The following ENTPD1 variants were observed in gnomAD, a reference collection of about 807,000 sequenced individuals.
ENTPD1 encodes ectonucleoside triphosphate diphosphohydrolase 1, also known as ATP diphosphohydrolase.
ENTPD1 carries 33 observed loss-of-function variants against 57.0 expected under a neutral mutation model. That is an observed-to-expected ratio of 0.58 (90% confidence interval 0.44 to 0.77). The LOEUF is 0.77. Ranked by LOEUF, ENTPD1 falls within the 30% of genes least tolerant of loss-of-function variation. The pLI is 0.00. For missense variants in ENTPD1, 501 were observed against 603.4 expected (o/e 0.83, Z 1.78); for synonymous variants, 202 against 218.8 (o/e 0.92, Z 0.68).
intron 1 of ENTPD1, among the ~76,000 whole-genome samples, chr10:95,738,245 T>C (rs190392976): frequency 6.6e-6 from 1 of 152,234 alleles, no homozygotes; most frequent in African/African-American, 2.4e-5. Flanking sequence ...CATTAGCCCC[T>C]GGAATCTCTG....
chr10:95,792,604 G>A (rs994772583), intron 1 of ENTPD1, among the ~76,000 whole-genome samples: 1 of 152,178 alleles, frequency 6.6e-6, no homozygotes, highest in Non-Finnish European at 1.5e-5. Flanking sequence ...ACTGAAACTG[G>A]CCTGTTGGGA....
the ENTPD1 span, among the ~76,000 whole-genome samples, chr10:95,703,856 T>C: frequency 6.7e-6 from 1 of 148,696 alleles, no homozygotes; most frequent in Admixed American, 6.8e-5. Flanking sequence ...TTTGCGAGGC[T>C]GAGGTGGGTG....
intron 1 of ENTPD1, among the ~76,000 whole-genome samples, chr10:95,783,399 T>G (rs2098165472): frequency 6.6e-6 from 1 of 152,154 alleles, no homozygotes; most frequent in Non-Finnish European, 1.5e-5. Context: ...CTAAGGGTCC[T>G]TGGCTGGCAC....
chr10:95,715,572 G>A (rs2097970661), intron 1 of ENTPD1, among the ~76,000 whole-genome samples: 1 of 151,480 alleles, frequency 6.6e-6, no homozygotes, highest in Non-Finnish European at 1.5e-5. Context: ...GTTTGGATTT[G>A]TCTATTTTGC....
chr10:95,815,393 G>C (rs183368070), intron 1 of ENTPD1, among the ~76,000 whole-genome samples: 1 of 152,300 alleles, frequency 6.6e-6, no homozygotes, highest in East Asian at 1.9e-4. Flanking sequence ...TTAACTGTAA[G>C]CTTCTGACTG....
intron 1 of ENTPD1, among the ~76,000 whole-genome samples, chr10:95,808,976 C>T (rs529465840): frequency 1.2e-4 from 19 of 152,188 alleles, no homozygotes; most frequent in Admixed American, 3.9e-4. Context: ...ACATCTTGCA[C>T]CACCCTTAAT....
At position 95,847,626 on chromosome 10, in the gene ENTPD1, C is replaced by A. The variant is rs759678269; in HGVS notation, c.994C>A (p.Leu332Ile). The change falls in exon 7 of 10, where the codon CTC becomes ATC. Residue 332 changes from leucine (L) to isoleucine (I), a missense_variant. Transcript: ENST00000371205. ...YQQCHQSILE[L>I]FNTSYCPYSQ... The stretch of plus-strand genomic sequence containing the variant: ...ACAATGCCATCAAAGCATCCTGGAG[C>A]TCTTCAACACCAGTTACTGCCCTTA... The A allele has an allele frequency of 6.2e-7, 1 of 1,614,184 alleles. No homozygotes were observed. The highest frequency in any genetic ancestry group is 8.5e-7 in the Non-Finnish European group (1 of 1,180,026).
Position 95,868,841 on chromosome 10 carries a change from C to A in ENTPD1, c.*2458C>A, listed in dbSNP as rs1409823072. 1.0e-6 allele frequency: 1 copy of A among 985,204 alleles called. No homozygotes were observed. The highest frequency in any genetic ancestry group is 1.7e-5 in the African/African-American group (1 of 57,198). The allele number at this position is 985,204 out of a possible 1,614,324, so 61.0% of individuals were successfully genotyped here. A position where few individuals can be genotyped will look rare whatever the true frequency, so the allele number is the denominator to read the frequency against. Reference sequence around the variant, plus strand: ...TCCTGTTTGGTTGCCTACGTCCAATCTCCCCCTCCCCAGAGATGCCAAAAA... The same window carrying A: ...TCCTGTTTGGTTGCCTACGTCCAATATCCCCCTCCCCAGAGATGCCAAAAA... On this transcript the variant is annotated 3_prime_UTR_variant, in exon 10 of 10. Transcript: ENST00000371205.
In ENTPD1 at chr10:95,794,293, C is replaced by A. The variant is rs943351127; in HGVS notation, c.17-28944C>A. Among the ~76,000 whole-genome samples, 4 of 151,932 alleles carry A rather than the reference C, an allele frequency of 2.6e-5. No homozygotes were observed. The Admixed American group carries it at 2.6e-4, about 10-fold the overall frequency. ...GGCTTAATGATCTTTGTAATCATAA[C>A]CCTATCAACCATAACAAAAACAACA... On this transcript the variant is annotated intron_variant, in intron 1 of 9. Transcript: ENST00000371205.
At chr10:95,730,313 C>G (rs1001313057) in intron 1 of ENTPD1, among the ~76,000 whole-genome samples, 22 of 152,132 alleles carry the variant, frequency 1.4e-4, no homozygotes, top group African/African-American at 5.1e-4. Context: ...TCTCAGCCCC[C>G]TGAAATGCTG....
Position 95,740,470 on chromosome 10 carries a change from A to G in ENTPD1, c.37+28477A>G, listed in dbSNP as rs542402709. On this transcript the variant is annotated intron_variant, in intron 1 of 9. Transcript: ENST00000453258. ...GGCCCTAGGATTTTCAGAATGGTCA[A>G]TTAACAATGGCTTTAACTTAAAGTC... Among the ~76,000 whole-genome samples, 13 of 152,324 alleles carry G rather than the reference A, an allele frequency of 8.5e-5. No homozygotes were observed. The South Asian group carries it at 2.7e-3, about 32-fold the overall frequency.
chr10:95,803,730 G>C (rs1289711827), intron 1 of ENTPD1, among the ~76,000 whole-genome samples: 1 of 152,058 alleles, frequency 6.6e-6, no homozygotes, highest in Admixed American at 6.6e-5. Context: ...GTCCATTTTG[G>C]CTTTTGTTGC....
intron 1 of ENTPD1, among the ~76,000 whole-genome samples, chr10:95,724,963 T>C (rs2097982056): frequency 6.6e-6 from 1 of 152,224 alleles, no homozygotes; most frequent in Non-Finnish European, 1.5e-5. Context: ...CCTCTTTGTC[T>C]GGGACACCTC....
rs2098205699 is a variant in ENTPD1, at chr10:95,791,910, G to C, written c.17-31327G>C. On this transcript the variant is annotated intron_variant, in intron 1 of 9. Transcript: ENST00000371205. This position sits in a 1 kb window ranked among gnomAD's most constrained non-coding sequence, Gnocchi z 4.1. ...GAAAAAGAGAAATCATGTTCATGGG[G>C]GGTATTTTAGAAGTCAGCATGGTGG... Among the ~76,000 whole-genome samples, 1 of 152,056 alleles carries C rather than the reference G, an allele frequency of 6.6e-6. No individual in the cohort carries two copies. Among genetic ancestry groups the C allele is most frequent in the African/African-American group, 2.4e-5 (1 of 41,384 alleles).
chr10:95,851,798 A>G (rs922662360), intron 7 of ENTPD1, among the ~76,000 whole-genome samples: 1 of 151,988 alleles, frequency 6.6e-6, no homozygotes, highest in Non-Finnish European at 1.5e-5. Context: ...CATGGTGTAT[A>G]TGTGCCACAT....
intron 7 of ENTPD1, among the ~76,000 whole-genome samples, chr10:95,851,308 ATTTT>A (rs980524203): frequency 1.3e-5 from 2 of 151,878 alleles, no homozygotes; most frequent in Non-Finnish European, 2.9e-5. Flanking sequence ...CATGAATTTT[ATTTT>A]TTTAATTTTT....
At chr10:95,825,807 T>C (rs1283729939) in intron 2 of ENTPD1, among the ~76,000 whole-genome samples, 1 of 152,184 alleles carries the variant, frequency 6.6e-6, no homozygotes, top group Non-Finnish European at 1.5e-5. Flanking sequence ...CTTGATCTCC[T>C]GACCTTGTGA....
chr10:95,776,311 G>A (rs1403655467), intron 1 of ENTPD1, among the ~76,000 whole-genome samples: 1 of 152,162 alleles, frequency 6.6e-6, no homozygotes, highest in African/African-American at 2.4e-5. Flanking sequence ...GCTTCCTTCA[G>A]GAGCTCTTGT....
chr10:95,829,556 G>C (rs923900906), intron 2 of ENTPD1, among the ~76,000 whole-genome samples: 1 of 152,194 alleles, frequency 6.6e-6, no homozygotes, highest in African/African-American at 2.4e-5. Flanking sequence ...GGTCACAAGA[G>C]GTATCTGAAG....
Sources: allele counts gnomAD v4.1 joint callset (sites outside exome capture counted in the v4.1 genomes callset), GRCh38; gene constraint gnomAD v4.1.1; non-coding constraint Gnocchi (gnomAD v3.1); transcripts MANE v1.5; gene names NCBI Gene and HGNC (gene_info 2026-07-23, HGNC 2026-07-21).